SHROOM2: variants seen among roughly 807,000 people sequenced by gnomAD.
SHROOM2 encodes shroom family member 2, also known as protein Shroom2.
SHROOM2 carries 33 observed loss-of-function variants against 75.9 expected under a neutral mutation model. That is an observed-to-expected ratio of 0.43 (90% CI 0.33 to 0.58). SHROOM2 has a LOEUF of 0.58. Ranked by LOEUF, SHROOM2 falls within the 20% of genes least tolerant of loss-of-function variation. The probability of loss-of-function intolerance (pLI) is 0.04; values close to 1 mark genes in which losing one functional copy is unlikely to be tolerated. For missense variants in SHROOM2, 1,434 were observed against 1,461.2 expected (o/e 0.98, Z 0.30); for synonymous variants, 655 against 663.6 (o/e 0.99, Z 0.20).
chrX:9,894,930 C>T lies in SHROOM2; in HGVS notation c.1022C>T (p.Ser341Leu). The part of the protein sequence containing the change: ...SHEKAQGPVF[S>L]EAAAAQHFTA... The stretch of plus-strand genomic sequence containing the variant: ...GAGAAGGCCCAGGGCCCTGTGTTCT[C>T]AGAGGCGGCTGCGGCACAGCACTTT... Residue 341 changes from serine (S) to leucine (L), a missense_variant, in exon 4 of 10, where the codon TCA (serine) becomes TTA (leucine). This residue lies in a region of SHROOM2 where 1,340 missense variants were observed against 1,338.3 expected (regional missense o/e 1.00). Transcript: ENST00000380913. The T allele has an allele frequency of 8.3e-7, 1 of 1,211,092 alleles. No homozygotes were observed. The highest frequency in any genetic ancestry group is 1.1e-6 in the Non-Finnish European group (1 of 895,332).
At chrX:9,890,570 G>A (rs760061203) in intron 2 of SHROOM2, among the ~76,000 whole-genome samples, 2 of 113,639 alleles carry the variant, frequency 1.8e-5, no homozygotes, top group Non-Finnish European at 3.7e-5. Flanking sequence ...TGGCACAAGC[G>A]TGCGCGCTGT....
At chrX:9,826,369 G>A (rs1281121187) in intron 1 of SHROOM2, among the ~76,000 whole-genome samples, 2 of 111,927 alleles carry the variant, frequency 1.8e-5, no homozygotes, top group African/African-American at 6.5e-5. Context: ...CATCTAAATT[G>A]TATTCTAAAT....
At position 9,804,078 on chromosome X, in the gene SHROOM2, G is replaced by C. The variant is rs780564200; in HGVS notation, c.165+17368G>C. 5.4e-5 allele frequency among the ~76,000 whole-genome samples: 6 copies of C among 111,783 alleles called. No homozygotes were observed. The South Asian group carries it at 1.9e-3, about 35-fold the overall frequency. On this transcript the variant is annotated intron_variant, in intron 1 of 9. Coordinates refer to ENST00000380913, the MANE Select transcript of SHROOM2 (RefSeq NM_001649.4). ...GGTTAACTAGATCGTGCCCGGGTTGGGAGGATGGCACGTTAAATTCTGTGG... is the reference window on the plus strand; with the variant it reads ...GGTTAACTAGATCGTGCCCGGGTTGCGAGGATGGCACGTTAAATTCTGTGG...
At chrX:9,799,818 A>G (rs1264920412) in intron 1 of SHROOM2, among the ~76,000 whole-genome samples, 1 of 109,850 alleles carries the variant, frequency 9.1e-6, no homozygotes, top group African/African-American at 3.3e-5. Flanking sequence ...TGCAGCCTCA[A>G]CTTCTCTTCT....
At chrX:9,871,167 TC>T (rs200604761) in intron 1 of SHROOM2, among the ~76,000 whole-genome samples, 4,917 of 111,475 alleles carry the variant, frequency 0.044, 148 homozygotes, top group Non-Finnish European at 0.067. Flanking sequence ...TTACTGTCTT[TC>T]CCACCCTGCC....
At chrX:9,806,048 C>T (rs1337167300) in intron 1 of SHROOM2, among the ~76,000 whole-genome samples, 2 of 111,039 alleles carry the variant, frequency 1.8e-5, no homozygotes, top group East Asian at 5.6e-4. Flanking sequence ...TCCTACAAAC[C>T]AGGAAGTAGG....
At chrX:9,848,899 G>A (rs755842849) in intron 1 of SHROOM2, among the ~76,000 whole-genome samples, 1 of 111,206 alleles carries the variant, frequency 9.0e-6, no homozygotes, top group Admixed American at 9.6e-5. Flanking sequence ...GGGATGCCTG[G>A]ATTCCCTTCC....
At chrX:9,934,207 C>T (rs1040765156) in intron 6 of SHROOM2, among the ~76,000 whole-genome samples, 18 of 112,248 alleles carry the variant, frequency 1.6e-4, no homozygotes, top group Non-Finnish European at 3.4e-4. Context: ...GGTCCTCAGT[C>T]ACACCAGGTG....
chrX:9,864,562 T>C (rs1235259720), intron 1 of SHROOM2, among the ~76,000 whole-genome samples: 1 of 110,752 alleles, frequency 9.0e-6, no homozygotes, highest in Non-Finnish European at 1.9e-5. Context: ...CTCACGCCTG[T>C]AATCCCAGCA....
At chrX:9,832,982 A>C (rs905879525) in intron 1 of SHROOM2, among the ~76,000 whole-genome samples, 1 of 111,614 alleles carries the variant, frequency 9.0e-6, no homozygotes, top group African/African-American at 3.3e-5. Context: ...GTGACTGGGC[A>C]GTCACAGAGG....
At chrX:9,826,068 G>A (rs1029998497) in intron 1 of SHROOM2, among the ~76,000 whole-genome samples, 3 of 112,640 alleles carry the variant, frequency 2.7e-5, no homozygotes, top group Admixed American at 9.3e-5. Context: ...ACCCAGGGTG[G>A]GTGCATGTGC....
At chrX:9,944,163 AAATT>A (rs1318361357) in intron 8 of SHROOM2, among the ~76,000 whole-genome samples, 1 of 112,459 alleles carries the variant, frequency 8.9e-6, no homozygotes, top group South Asian at 3.6e-4. Flanking sequence ...TCAAAAATAA[AAATT>A]AAATAAATAA....
At chrX:9,865,976 G>A (rs2084135272) in intron 1 of SHROOM2, among the ~76,000 whole-genome samples, 1 of 110,378 alleles carries the variant, frequency 9.1e-6, no homozygotes, top group Admixed American at 9.7e-5. Flanking sequence ...CCTTCCCCTT[G>A]GGCATCTTGG....
At chrX:9,890,862 G>A (rs1057500008) in intron 2 of SHROOM2, 115 bp from the exon 3 acceptor site, 6 of 776,347 alleles carry the variant, frequency 7.7e-6, no homozygotes, top group Non-Finnish European at 1.1e-5. Flanking sequence ...CCCCTGCACT[G>A]TTTGGCACGA....
At chrX:9,885,547 A>G (rs995400520) in intron 2 of SHROOM2, among the ~76,000 whole-genome samples, 1 of 111,649 alleles carries the variant, frequency 9.0e-6, no homozygotes, top group Non-Finnish European at 1.9e-5. Flanking sequence ...AAGACTTGAG[A>G]AAAAAAGCAT....
At chrX:9,806,133 T>C (rs1292927395) in intron 1 of SHROOM2, among the ~76,000 whole-genome samples, 1 of 110,439 alleles carries the variant, frequency 9.1e-6, no homozygotes. Flanking sequence ...AATACATTTC[T>C]GCTGTTTTTG....
intron 1 of SHROOM2, among the ~76,000 whole-genome samples, chrX:9,868,043 G>A (rs1313782293): frequency 9.2e-6 from 1 of 109,060 alleles, no homozygotes; most frequent in Non-Finnish European, 1.9e-5. Flanking sequence ...AACCCCACCC[G>A]GTCACCACTG....
intron 5 of SHROOM2, among the ~76,000 whole-genome samples, chrX:9,910,394 A>G (rs184362487): frequency 0.014 from 1,588 of 111,228 alleles, 43 homozygotes; most frequent in African/African-American, 0.049. Flanking sequence ...ATTTTTTAGT[A>G]AATCTAAACC....
At chrX:9,924,355 A>G (rs780588067) in intron 5 of SHROOM2, among the ~76,000 whole-genome samples, 1 of 112,179 alleles carries the variant, frequency 8.9e-6, no homozygotes, top group East Asian at 2.8e-4. Flanking sequence ...TGGTAAATCA[A>G]TATTTCTTTT....
Sources: gnomAD v4.1 joint callset for allele counts (sites outside exome capture counted in the v4.1 genomes callset) on GRCh38, gnomAD v4.1.1 for gene constraint, gnomAD v4.1.1 regional missense constraint, MANE v1.5 for transcripts, NCBI Gene and HGNC (gene_info 2026-07-23, HGNC 2026-07-21) for gene names.